Variants in SIPA1L3 observed in about 807,000 individuals in gnomAD.
The protein encoded by SIPA1L3 is signal induced proliferation associated 1 like 3.
A neutral mutation model predicts 150.1 loss-of-function variants in SIPA1L3; 59 were observed. The observed-to-expected ratio is 0.39, with a 90% CI of 0.32 to 0.49. The LOEUF (loss-of-function observed/expected upper bound fraction) is 0.49. SIPA1L3 is among the 20% of genes least tolerant of loss of function. The pLI, the probability that SIPA1L3 is intolerant of heterozygous loss-of-function variation, is 0.86. For synonymous variants in SIPA1L3, 1,070 were observed against 1,077.6 expected (o/e 0.99, Z 0.14); for missense variants, 2,211 against 2,489.5 (o/e 0.89, Z 2.38).
intron 1 of SIPA1L3, among the ~76,000 whole-genome samples, chr19:37,996,377 C>T (rs1287959264): frequency 6.6e-6 from 1 of 152,128 alleles, no homozygotes; most frequent in Non-Finnish European, 1.5e-5. Flanking sequence ...AGGCGGGAGC[C>T]CAGCCTTTAT....
chr19:38,049,783 G>C (rs1969148108), intron 2 of SIPA1L3, among the ~76,000 whole-genome samples: 1 of 152,114 alleles, frequency 6.6e-6, no homozygotes, highest in Non-Finnish European at 1.5e-5. Context: ...TCCCCCGAGA[G>C]CACAGGAGGG....
intron 1 of SIPA1L3, among the ~76,000 whole-genome samples, chr19:38,024,708 T>C (rs899439324): frequency 2.0e-5 from 3 of 152,198 alleles, no homozygotes; most frequent in Admixed American, 6.5e-5. Flanking sequence ...CAGGCAGTAT[T>C]TTGTGCTTTT....
chr19:37,969,702 C>T (rs538227771), intron 1 of SIPA1L3, among the ~76,000 whole-genome samples: 18 of 152,294 alleles, frequency 1.2e-4, no homozygotes, highest in Non-Finnish European at 2.1e-4. Context: ...CACTTTCCTC[C>T]GGCCTTTGTG....
At chr19:38,173,564 G>A (rs900122811) in intron 15 of SIPA1L3, 3 of 152,292 alleles carry the variant, frequency 2.0e-5, no homozygotes. Flanking sequence ...GCTCCACATG[G>A]AGCTGACGCA....
chr19:38,187,573 C>T (rs1483178823), intron 16 of SIPA1L3, among the ~76,000 whole-genome samples: 1 of 150,958 alleles, frequency 6.6e-6, no homozygotes, highest in Non-Finnish European at 1.5e-5. Flanking sequence ...AAAAATTAGC[C>T]GGGCGAGGTG....
chr19:37,945,099 A>G (rs1202183389), intron 1 of SIPA1L3, among the ~76,000 whole-genome samples: 2 of 152,246 alleles, frequency 1.3e-5, no homozygotes, highest in Non-Finnish European at 2.9e-5. Context: ...TTTATAGTAA[A>G]GTGCTGAGTA....
intron 3 of SIPA1L3, among the ~76,000 whole-genome samples, chr19:38,084,629 C>T (rs900792250): frequency 3.1e-4 from 36 of 115,368 alleles, no homozygotes; most frequent in African/African-American, 6.0e-4. Context: ...TTGTTTTTTT[C>T]TTTTTCTTTT....
chr19:38,206,062 C>T, intron 21 of SIPA1L3, 35 bp from the exon 22 acceptor site: 1 of 1,514,402 alleles, frequency 6.6e-7, no homozygotes, highest in Middle Eastern at 2.2e-4. Context: ...GCGGCCAAGC[C>T]CACCCGCCTG....
At chr19:37,921,610 T>C (rs2145483384) in intron 1 of SIPA1L3, among the ~76,000 whole-genome samples, 1 of 151,614 alleles carries the variant, frequency 6.6e-6, no homozygotes, top group East Asian at 1.9e-4. Context: ...TTTCTTTTTT[T>C]TTTTTTTTGA....
At chr19:38,038,655 T>G (rs1240279140) in intron 2 of SIPA1L3, among the ~76,000 whole-genome samples, 1 of 151,494 alleles carries the variant, frequency 6.6e-6, no homozygotes, top group South Asian at 2.1e-4. Context: ...AGAAACCCGC[T>G]TCTTTGACTA....
intron 19 of SIPA1L3, among the ~76,000 whole-genome samples, chr19:38,201,270 A>G (rs529944642): frequency 7.9e-5 from 12 of 152,332 alleles, no homozygotes; most frequent in Non-Finnish European, 1.8e-4. Flanking sequence ...TGAAAACGCA[A>G]ACAGCTCAGG....
At chr19:38,064,642 T>G (rs1050563631) in intron 2 of SIPA1L3, among the ~76,000 whole-genome samples, 9 of 152,086 alleles carry the variant, frequency 5.9e-5, no homozygotes, top group Non-Finnish European at 1.3e-4. Context: ...GAGGTTGCAG[T>G]GAGCCAAGAT....
chr19:38,189,638 C>T lies in SIPA1L3; in HGVS notation c.4431-2507C>T, dbSNP rs187664127. Among the ~76,000 whole-genome samples the T allele has an allele frequency of 4.4e-3, 676 of 152,096 alleles. 6 individuals carry two copies. Among genetic ancestry groups the T allele is most frequent in the African/African-American group, 0.015 (633 of 41,486 alleles). ...AAAATTAGCCAGGCGTGGTGGCAGG[C>T]GCCTGTAATCCCAGCTACTCGGGAA... On this transcript the variant is annotated intron_variant, in intron 16 of 21. Transcript: ENST00000222345.
At chr19:38,132,582 C>T (rs572796689) in intron 10 of SIPA1L3, among the ~76,000 whole-genome samples, 4 of 97,146 alleles carry the variant, frequency 4.1e-5, no homozygotes, top group Admixed American at 3.4e-4. Flanking sequence ...GAAGCTACGT[C>T]TCAAAAAAAA....
chr19:37,947,801 T>C (rs1029231443), intron 1 of SIPA1L3, among the ~76,000 whole-genome samples: 1 of 152,186 alleles, frequency 6.6e-6, no homozygotes, highest in Non-Finnish European at 1.5e-5. Flanking sequence ...CCCTTATTTG[T>C]AATATGTTTT....
At position 38,113,126 on chromosome 19, in the gene SIPA1L3, G is replaced by A. The variant is rs142776949; in HGVS notation, c.2291+2742G>A. 5.4e-3 allele frequency among the ~76,000 whole-genome samples: 822 copies of A among 151,846 alleles called. 28 individuals are homozygous for A. Among genetic ancestry groups the A allele is most frequent in the Admixed American group, 0.043 (662 of 15,234 alleles). On this transcript the variant is annotated intron_variant, in intron 8 of 21. Coordinates refer to ENST00000222345, the MANE Select transcript of SIPA1L3 (RefSeq NM_015073.3). ...CTCTGGAGGTTGAGGCAAGAGAATC[G>A]CTTGAACCCAGGAGGCAGAGGTTGC...
At chr19:38,043,408 G>C (rs1304278147) in intron 2 of SIPA1L3, among the ~76,000 whole-genome samples, 1 of 152,054 alleles carries the variant, frequency 6.6e-6, no homozygotes, top group Non-Finnish European at 1.5e-5. Context: ...GAGAAAGAAA[G>C]AAAAAAGCAG....
At chr19:38,109,188 T>G (rs1263955953) in intron 7 of SIPA1L3, among the ~76,000 whole-genome samples, 1 of 152,088 alleles carries the variant, frequency 6.6e-6, no homozygotes, top group Non-Finnish European at 1.5e-5. Flanking sequence ...AGAGGTTAAA[T>G]GGACTCACAG....
At chr19:38,152,601 T>A (rs1253335924) in intron 12 of SIPA1L3, among the ~76,000 whole-genome samples, 1 of 152,146 alleles carries the variant, frequency 6.6e-6, no homozygotes, top group Non-Finnish European at 1.5e-5. Context: ...GAACCCGCCT[T>A]GCCCCGCCGC....
Sources: allele counts gnomAD v4.1 joint callset (sites outside exome capture counted in the v4.1 genomes callset), GRCh38; gene constraint gnomAD v4.1.1; transcripts MANE v1.5; gene names NCBI Gene and HGNC (gene_info 2026-07-23, HGNC 2026-07-21).